Variants in ARHGAP29 observed in about 807,000 individuals in gnomAD.
The protein encoded by ARHGAP29 is Rho GTPase activating protein 29.
Under a neutral mutation model 122.6 loss-of-function variants are expected in ARHGAP29, and 43 were observed. The ratio of observed to expected loss-of-function variants is 0.35; its 90% confidence interval spans 0.27 to 0.45. ARHGAP29 has a LOEUF of 0.45. ARHGAP29 is among the 20% of genes least tolerant of loss of function. The probability of loss-of-function intolerance (pLI) is 1.00; values close to 1 mark genes in which losing one functional copy is unlikely to be tolerated. For missense variants in ARHGAP29, 1,303 were observed against 1,477.2 expected, an observed-to-expected ratio of 0.88 and a Z score of 1.93; for synonymous variants, 506 against 497.1, an observed-to-expected ratio of 1.02 and a Z score of -0.24.
the ARHGAP29 span, among the ~76,000 whole-genome samples, chr1:94,289,808 A>G: frequency 1.3e-5 from 2 of 152,202 alleles, no homozygotes; most frequent in African/African-American, 2.4e-5. Flanking sequence ...TGATTTGCCT[A>G]TGTTGAACCA....
rs1265634326 is a variant in ARHGAP29 at position 94,204,911 on chromosome 1, T to C, written c.697+150A>G. On this transcript the variant is annotated intron_variant, in intron 7 of 22. Transcript: ENST00000260526. ...GTAAATACTCACTAATTCCATCTAGTGTAAGAAGAGTCTTTTCTGGATAAT... is the reference window on the plus strand; with the variant it reads ...GTAAATACTCACTAATTCCATCTAGCGTAAGAAGAGTCTTTTCTGGATAAT... 9.6e-6 allele frequency: 7 copies of C among 730,572 alleles called. No individual in the cohort carries two copies. The East Asian group carries it at 2.4e-4, about 25-fold the overall frequency. 45.3% of individuals were successfully genotyped at this position (730,572 alleles called of 1,614,324 possible).
At chr1:94,264,202 C>T (rs1654669438) in intron 1 of ARHGAP29, among the ~76,000 whole-genome samples, 1 of 152,190 alleles carries the variant, frequency 6.6e-6, no homozygotes, top group Non-Finnish European at 1.5e-5. Context: ...CTGACTATGG[C>T]AACCCTTGAT....
intron 1 of ARHGAP29, among the ~76,000 whole-genome samples, chr1:94,265,984 T>C (rs1431702927): frequency 2.0e-5 from 3 of 152,164 alleles, no homozygotes; most frequent in Non-Finnish European, 4.4e-5. Flanking sequence ...AGAACAAGCA[T>C]GTGATGCAGG....
Position 94,256,536 on chromosome 1 carries a change from C to CTTTTTTTTTTTTT in ARHGAP29, c.-33+18463_-33+18475dup, listed in dbSNP as rs530295333. ...CAGAAATAGATTTAACAGTACTAAT[C>CTTTTTTTTTTTTT]TTTTTTTTTTTTTTTTTTTTTTTTT... On this transcript the variant is annotated intron_variant and NMD_transcript_variant, in intron 1 of 25. Coordinates refer to the ARHGAP29 transcript ENST00000552844. 7.7e-4 allele frequency among the ~76,000 whole-genome samples: 35 copies of CTTTTTTTTTTTTT among 45,330 alleles called. 10 individuals carry two copies. The highest frequency in any genetic ancestry group is 3.8e-3 in the East Asian group (3 of 780). 29.7% of individuals were successfully genotyped at this position (45,330 alleles called of 152,430 possible). A position where few individuals can be genotyped will look rare whatever the true frequency, so the allele number is the denominator to read the frequency against.
At chr1:94,218,599 CCTAT>C (rs1238970922) in intron 3 of ARHGAP29, among the ~76,000 whole-genome samples, 2 of 152,100 alleles carry the variant, frequency 1.3e-5, no homozygotes, top group South Asian at 2.1e-4. Context: ...CACAAATTTC[CCTAT>C]CTAAGTAAAG....
chr1:94,306,615 T>C, the ARHGAP29 span, among the ~76,000 whole-genome samples: 22 of 152,350 alleles, frequency 1.4e-4, no homozygotes, highest in African/African-American at 4.1e-4. Context: ...TAAACTGTGC[T>C]TTGGACCTGC....
intron 1 of ARHGAP29, chr1:94,247,989 C>T (rs1273468500): frequency 2.0e-5 from 3 of 152,184 alleles, no homozygotes. Context: ...CTTTTTGTAC[C>T]CTCCTGCAGG....
At position 94,202,726 on chromosome 1, in the gene ARHGAP29, C is replaced by A; in HGVS notation, c.961G>T (p.Ala321Ser). The A allele has an allele frequency of 6.2e-7, 1 of 1,613,012 alleles. No homozygotes were observed. The highest frequency in any genetic ancestry group is 8.5e-7 in the Non-Finnish European group (1 of 1,179,834). ...TTTGCCTTTTTGAGAGCATTCTCTG[C>A]TTCAAGCTACACCGAAAAGAGTATT... ...WKQEQNKMLEAENALKKAKLL... is the reference protein window; with the variant it reads ...WKQEQNKMLESENALKKAKLL... Residue 321 changes from alanine (A) to serine (S), a missense_variant, in exon 11 of 23, where the codon GCA becomes TCA. Physicochemically the swap from Ala to Ser is moderately conservative, Grantham distance 99. Coordinates refer to ENST00000260526, the MANE Select transcript of ARHGAP29 (RefSeq NM_004815.4).
the ARHGAP29 span, among the ~76,000 whole-genome samples, chr1:94,284,439 T>C: frequency 6.6e-6 from 1 of 152,200 alleles, no homozygotes; most frequent in African/African-American, 2.4e-5. Flanking sequence ...GTAGATTATA[T>C]TACTGTTCAC....
chr1:94,224,799 C>G (rs1022197916), intron 2 of ARHGAP29, among the ~76,000 whole-genome samples: 1 of 152,164 alleles, frequency 6.6e-6, no homozygotes, highest in Non-Finnish European at 1.5e-5. Context: ...CACAAATGGT[C>G]TACGAACTTG....
At chr1:94,228,737 T>A (rs1652763914) in intron 2 of ARHGAP29, among the ~76,000 whole-genome samples, 1 of 151,822 alleles carries the variant, frequency 6.6e-6, no homozygotes, top group African/African-American at 2.4e-5. Flanking sequence ...CATTTCTAAC[T>A]ACTTGGGGAA....
chr1:94,225,305 T>TA (rs1455152599), intron 2 of ARHGAP29, among the ~76,000 whole-genome samples: 1 of 152,112 alleles, frequency 6.6e-6, no homozygotes. Context: ...ACAAAACTCT[T>TA]AGTTTCTCTG....
At position 94,184,251 on chromosome 1, in the gene ARHGAP29, T is replaced by C; in HGVS notation, c.2147A>G (p.Glu716Gly). Reference protein sequence around the residue: ...YRVCGNKIKTEKLCQALENGM... With the variant: ...YRVCGNKIKTGKLCQALENGM... ...ATTTTCCAAAGCTTGACACAATTTT[T>C]CAGTTTTTATTTTGTTTCCACACAC... Residue 716 changes from glutamate to glycine, a missense_variant, in exon 19 of 23, where the codon GAA (glutamate) becomes GGA (glycine). Physicochemically the swap from Glu to Gly is moderately conservative, Grantham distance 98. Coordinates refer to ENST00000260526, the MANE Select transcript of ARHGAP29 (RefSeq NM_004815.4). The C allele has an allele frequency of 6.2e-7, 1 of 1,612,094 alleles. No individual in the cohort carries two copies. The highest frequency in any genetic ancestry group is 8.5e-7 in the Non-Finnish European group (1 of 1,179,386).
At chr1:94,291,643 C>A in the ARHGAP29 span, among the ~76,000 whole-genome samples, 1 of 152,130 alleles carries the variant, frequency 6.6e-6, no homozygotes, top group Non-Finnish European at 1.5e-5. Context: ...GTAAGGCAGG[C>A]CTGGTGATGA....
At chr1:94,205,612 G>A in intron 6 of ARHGAP29, 23 bp downstream of exon 6, 1 of 1,604,598 alleles carries the variant, frequency 6.2e-7, no homozygotes, top group Non-Finnish European at 8.5e-7. Flanking sequence ...TTTGTGAAAA[G>A]TTATAAACAC....
At chr1:94,250,671 G>A (rs1654046964) in intron 1 of ARHGAP29, 1 of 152,206 alleles carries the variant, frequency 6.6e-6, no homozygotes, top group African/African-American at 2.4e-5. Flanking sequence ...AAATGAATGT[G>A]AAAGACATTA....
At chr1:94,237,662 A>AT, upstream of ARHGAP29, 1 of 985,156 alleles carries the variant, frequency 1.0e-6, no homozygotes, top group Non-Finnish European at 1.2e-6. Flanking sequence ...AGCCCAGCCC[A>AT]TTGGCCCGCG....
intron 1 of ARHGAP29, among the ~76,000 whole-genome samples, chr1:94,232,272 G>A (rs1652963389): frequency 6.7e-6 from 1 of 148,920 alleles, no homozygotes; most frequent in African/African-American, 2.5e-5. Flanking sequence ...AGATTGTAGG[G>A]ATTACATGAC....
intron 1 of ARHGAP29, among the ~76,000 whole-genome samples, chr1:94,271,630 G>T (rs940135533): frequency 3.9e-5 from 6 of 152,110 alleles, no homozygotes; most frequent in Non-Finnish European, 7.4e-5. Flanking sequence ...GTGCCAATTT[G>T]GTGGCAATAT....
Sources: allele counts gnomAD v4.1 joint callset (sites outside exome capture counted in the v4.1 genomes callset), GRCh38; gene constraint gnomAD v4.1.1; transcripts MANE v1.5; gene names NCBI Gene and HGNC (gene_info 2026-07-23, HGNC 2026-07-21).